The following CATSPERE variants were observed in gnomAD, a reference collection of about 807,000 sequenced individuals.
CATSPERE encodes the protein cation channel sperm-associated auxiliary subunit epsilon.
Under a neutral mutation model 114.1 loss-of-function variants are expected in CATSPERE, and 93 were observed. The observed-to-expected ratio is 0.81, with a 90% confidence interval of 0.69 to 0.97. CATSPERE has a LOEUF of 0.97. Among genes scored for constraint, CATSPERE ranks in the 50% least tolerant of loss-of-function variants. The probability of loss-of-function intolerance (pLI) is 0.00; values close to 1 mark genes in which losing one functional copy is unlikely to be tolerated. For missense variants in CATSPERE, 1,058 were observed against 1,131.6 expected (o/e 0.93, Z 0.93); for synonymous variants, 341 against 384.1 (o/e 0.89, Z 1.31).
At chr1:244,460,652 G>A (rs1292567682), upstream of CATSPERE, among the ~76,000 whole-genome samples, 1 of 152,194 alleles carries the variant, frequency 6.6e-6, no homozygotes. Context: ...GGTGGCTCAC[G>A]CCTGTAATCC....
chr1:244,508,033 G>A (rs1217431728), intron 7 of CATSPERE, among the ~76,000 whole-genome samples: 1 of 151,834 alleles, frequency 6.6e-6, no homozygotes, highest in Non-Finnish European at 1.5e-5. Context: ...GATAGAGATT[G>A]CATTGAATTT....
exon 1 of CATSPERE, chr1:244,454,582 G>C (rs1665952071): frequency 6.6e-6 from 1 of 151,430 alleles, no homozygotes; most frequent in Admixed American, 6.6e-5. Context: ...CAGAGAAAGG[G>C]AACCCGGAAA....
intron 7 of CATSPERE, chr1:244,515,350 T>C (rs539457099): frequency 2.1e-6 from 2 of 972,780 alleles, no homozygotes; most frequent in African/African-American, 3.5e-5. Flanking sequence ...TCATTATTTG[T>C]TCAACAAATA....
intron 20 of CATSPERE, among the ~76,000 whole-genome samples, chr1:244,618,969 G>T (rs554068375): frequency 6.6e-6 from 1 of 152,248 alleles, no homozygotes; most frequent in East Asian, 1.9e-4. Flanking sequence ...ATAGTTTCAT[G>T]TTTTCTAGGC....
intron 9 of CATSPERE, among the ~76,000 whole-genome samples, chr1:244,557,526 AATATTCATATATATATATATAT>A (rs1163233760): frequency 1.7e-5 from 1 of 57,414 alleles, no homozygotes; most frequent in Non-Finnish European, 3.9e-5. Context: ...TTTTATTTGA[AATATTCATATATATATATATAT>A]ATATATATAT....
chr1:244,620,712 C>T (rs186357080), intron 20 of CATSPERE, among the ~76,000 whole-genome samples: 4 of 151,966 alleles, frequency 2.6e-5, no homozygotes, highest in African/African-American at 7.2e-5. Flanking sequence ...CTTTTAAATG[C>T]GTGGCCACAT....
chr1:244,510,064 A>C (rs962109788), intron 7 of CATSPERE, among the ~76,000 whole-genome samples: 2 of 151,886 alleles, frequency 1.3e-5, no homozygotes, highest in African/African-American at 4.8e-5. Context: ...TTTAGTCTCT[A>C]TTTCATTTAG....
intron 8 of CATSPERE, among the ~76,000 whole-genome samples, chr1:244,550,846 A>G (rs1435085294): frequency 6.6e-6 from 1 of 152,210 alleles, no homozygotes; most frequent in Non-Finnish European, 1.5e-5. Flanking sequence ...CTGACTGAAC[A>G]TCTTTCAACC....
chr1:244,640,106 A>G lies in CATSPERE; in HGVS notation c.*25A>G. The G allele has an allele frequency of 2.7e-6, 4 of 1,501,912 alleles. No homozygotes were observed. The South Asian group carries it at 4.8e-5, about 18-fold the overall frequency. 93.0% of individuals were successfully genotyped at this position (1,501,912 alleles called of 1,614,324 possible). Reference sequence around the variant, plus strand: ...GGAAAACTGAAAGTTTGTTTATTACAGATATATGCATATAGAGAAACAGTG... The same window carrying G: ...GGAAAACTGAAAGTTTGTTTATTACGGATATATGCATATAGAGAAACAGTG... On this transcript the variant is annotated 3_prime_UTR_variant, in exon 22 of 22. Transcript: ENST00000366534.
At chr1:244,464,278 A>T (rs1667252375) in intron 2 of CATSPERE, among the ~76,000 whole-genome samples, 1 of 152,264 alleles carries the variant, frequency 6.6e-6, no homozygotes, top group Non-Finnish European at 1.5e-5. Flanking sequence ...CAACAGGTAT[A>T]AATTAGAACT....
intron 8 of CATSPERE, among the ~76,000 whole-genome samples, chr1:244,536,278 G>C (rs1453567837): frequency 6.6e-6 from 1 of 151,984 alleles, no homozygotes; most frequent in African/African-American, 2.4e-5. Context: ...GTCTCACTAG[G>C]TTGAATGCCA....
chr1:244,495,678 G>T (rs1391543961), intron 6 of CATSPERE, among the ~76,000 whole-genome samples: 1 of 152,048 alleles, frequency 6.6e-6, no homozygotes. Flanking sequence ...CCGAGATTGC[G>T]CCACTGCATT....
chr1:244,468,951 G>C (rs967066481), intron 2 of CATSPERE, among the ~76,000 whole-genome samples: 1 of 152,122 alleles, frequency 6.6e-6, no homozygotes, highest in Non-Finnish European at 1.5e-5. Flanking sequence ...TGAATGTACA[G>C]AATACCAGAG....
intron 2 of CATSPERE, among the ~76,000 whole-genome samples, chr1:244,472,259 C>T (rs1175363113): frequency 1.3e-5 from 2 of 152,328 alleles, no homozygotes; most frequent in East Asian, 3.9e-4. Flanking sequence ...CTGCACCTGG[C>T]CCACGACTGT....
chr1:244,556,648 G>GT (rs1661619562), intron 9 of CATSPERE, among the ~76,000 whole-genome samples: 1 of 152,088 alleles, frequency 6.6e-6, no homozygotes, highest in South Asian at 2.1e-4. Flanking sequence ...GGTTTATTGT[G>GT]TTTTCTTCTA....
intron 2 of CATSPERE, among the ~76,000 whole-genome samples, chr1:244,470,464 TA>T (rs1315430491): frequency 6.6e-6 from 1 of 152,210 alleles, no homozygotes; most frequent in African/African-American, 2.4e-5. Context: ...CATAATAAGA[TA>T]CTACTTCGCA....
chr1:244,553,616 C>CACACACACATATATACAT (rs1661070020), intron 9 of CATSPERE, among the ~76,000 whole-genome samples: 1 of 130,220 alleles, frequency 7.7e-6, no homozygotes, highest in African/African-American at 3.2e-5. Flanking sequence ...CACACACACA[C>CACACACACATATATACAT]ACACACACAC....
chr1:244,623,174 T>G (rs1672629009), intron 20 of CATSPERE, among the ~76,000 whole-genome samples: 1 of 151,822 alleles, frequency 6.6e-6, no homozygotes, highest in South Asian at 2.1e-4. Flanking sequence ...ACCTCCCGGG[T>G]TCAAGCGATT....
At chr1:244,459,270 G>A (rs113930575), upstream of CATSPERE, among the ~76,000 whole-genome samples, 3 of 152,110 alleles carry the variant, frequency 2.0e-5, no homozygotes, top group Non-Finnish European at 4.4e-5. Flanking sequence ...GTAAAGATGG[G>A]GTTTCACCTT....
Sources: allele counts gnomAD v4.1 joint callset (sites outside exome capture counted in the v4.1 genomes callset), GRCh38; gene constraint gnomAD v4.1.1; transcripts MANE v1.5; gene names NCBI Gene and HGNC (gene_info 2026-07-23, HGNC 2026-07-21).